The following FUT8 variants were observed in gnomAD, a reference collection of about 807,000 sequenced individuals.
The protein encoded by FUT8 is alpha-(1,6)-fucosyltransferase.
A neutral mutation model predicts 71.3 loss-of-function variants in FUT8; 29 were observed. The ratio of observed to expected loss-of-function variants is 0.41; its 90% confidence interval spans 0.30 to 0.55. The LOEUF (loss-of-function observed/expected upper bound fraction) is 0.55, where lower values mean the gene tolerates loss of function less well. Ranked by LOEUF, FUT8 falls within the 20% of genes least tolerant of loss-of-function variation. The probability of loss-of-function intolerance (pLI) is 0.34; values close to 1 mark genes in which losing one functional copy is unlikely to be tolerated. For synonymous variants in FUT8, 254 were observed against 239.3 expected (o/e 1.06, Z -0.57); for missense variants, 544 against 702.1 (o/e 0.77, Z 2.55).
At chr14:65,551,039 C>T (rs1400105476) in intron 2 of FUT8, among the ~76,000 whole-genome samples, 3 of 151,984 alleles carry the variant, frequency 2.0e-5, no homozygotes, top group East Asian at 1.9e-4. Flanking sequence ...TATATAATGC[C>T]GTATTACCCT....
intron 2 of FUT8, among the ~76,000 whole-genome samples, chr14:65,464,626 T>C (rs940010136): frequency 2.0e-5 from 3 of 152,062 alleles, no homozygotes; most frequent in Non-Finnish European, 2.9e-5. Context: ...TCTGATTGTA[T>C]GATTTTTTTT....
chr14:65,378,510 G>A, the FUT8 span, among the ~76,000 whole-genome samples: 1 of 152,074 alleles, frequency 6.6e-6, no homozygotes, highest in Admixed American at 6.6e-5. Flanking sequence ...GAGAAATAGA[G>A]GCTCCCCTAA....
At chr14:65,585,911 C>T (rs749291251) in intron 3 of FUT8, among the ~76,000 whole-genome samples, 1 of 151,864 alleles carries the variant, frequency 6.6e-6, no homozygotes, top group Non-Finnish European at 1.5e-5. Context: ...GGAAACAGTT[C>T]CTAAAAATTA....
intron 5 of FUT8, among the ~76,000 whole-genome samples, chr14:65,622,793 G>A (rs191080380): frequency 6.6e-6 from 1 of 152,184 alleles, no homozygotes; most frequent in Admixed American, 6.5e-5. Flanking sequence ...ATGCAGATTT[G>A]CCCATGGATT....
intron 3 of FUT8, among the ~76,000 whole-genome samples, chr14:65,580,070 T>TTTTATATA (rs1555372883): frequency 7.0e-6 from 1 of 142,832 alleles, no homozygotes; most frequent in African/African-American, 2.6e-5. Flanking sequence ...GTGCTATATT[T>TTTTATATA]TATATATATA....
chr14:65,651,408 C>T lies in FUT8; in HGVS notation c.598-17835C>T, dbSNP rs537542735. On this transcript the variant is annotated intron_variant, in intron 6 of 10. Coordinates refer to ENST00000673929, the MANE Select transcript of FUT8 (RefSeq NM_001371533.1). The stretch of plus-strand genomic sequence containing the variant: ...TTAAATTGACATTTGATTCACAGCC[C>T]ATAAAAGTTGGCTAAGACATGCATT... Among the ~76,000 whole-genome samples, 12 of 152,310 alleles carry T rather than the reference C, an allele frequency of 7.9e-5. No individual in the cohort carries two copies. The East Asian group carries it at 2.3e-3, about 29-fold the overall frequency.
At chr14:65,492,183 A>AT (rs1244221474) in intron 2 of FUT8, among the ~76,000 whole-genome samples, 1 of 152,162 alleles carries the variant, frequency 6.6e-6, no homozygotes. Context: ...GGTAAGTAAT[A>AT]TTTTTTTCAT....
intron 5 of FUT8, among the ~76,000 whole-genome samples, chr14:65,625,507 A>C (rs1484215678): frequency 6.6e-6 from 1 of 152,250 alleles, no homozygotes; most frequent in East Asian, 1.9e-4. Context: ...TTGCAGCCAA[A>C]GTCTCTTTCA....
intron 3 of FUT8, among the ~76,000 whole-genome samples, chr14:65,562,603 G>A (rs1478649297): frequency 6.6e-6 from 1 of 152,072 alleles, no homozygotes; most frequent in East Asian, 1.9e-4. Context: ...ATGCGAAGAT[G>A]ATCATGTAGT....
chr14:65,658,788 A>C (rs373678914), intron 6 of FUT8, among the ~76,000 whole-genome samples: 6 of 152,108 alleles, frequency 3.9e-5, no homozygotes. Context: ...TGGAAGTATA[A>C]GGGGTTTCTT....
At chr14:65,645,668 T>TA (rs1481305608) in intron 6 of FUT8, among the ~76,000 whole-genome samples, 1 of 152,234 alleles carries the variant, frequency 6.6e-6, no homozygotes, top group Non-Finnish European at 1.5e-5. Flanking sequence ...ATGGTTCATA[T>TA]AATTGCTTGT....
chr14:65,593,075 A>G (rs745329809), intron 3 of FUT8, among the ~76,000 whole-genome samples: 2 of 152,204 alleles, frequency 1.3e-5, no homozygotes, highest in African/African-American at 2.4e-5. Flanking sequence ...GCAATTGGTC[A>G]GTCCTTCTAG....
rs1891464445 is a variant in FUT8 at position 65,652,638 on chromosome 14, G to A, written c.598-16605G>A. Among the ~76,000 whole-genome samples, 1 of 151,912 alleles carries A rather than the reference G, an allele frequency of 6.6e-6. No homozygotes were observed. The highest frequency in any genetic ancestry group is 2.4e-5 in the African/African-American group (1 of 41,358). ...TAAACAACGTGTTCTTAGTGCTTAA[G>A]CACTTTTTTTTTTTTTAAATACAAC... is the stretch of plus-strand genomic sequence containing the variant. On this transcript the variant is annotated intron_variant, in intron 6 of 10. Coordinates refer to ENST00000673929, the MANE Select transcript of FUT8 (RefSeq NM_001371533.1). This position sits in a 1 kb window ranked among gnomAD's most constrained non-coding sequence, Gnocchi z 4.0.
chr14:65,674,879 C>G (rs1319170300), intron 7 of FUT8, among the ~76,000 whole-genome samples: 1 of 152,148 alleles, frequency 6.6e-6, no homozygotes, highest in Non-Finnish European at 1.5e-5. Flanking sequence ...CTCCAAGATT[C>G]TAGTAGGTTT....
At chr14:65,558,820 G>T (rs899839379) in intron 2 of FUT8, among the ~76,000 whole-genome samples, 1 of 151,884 alleles carries the variant, frequency 6.6e-6, no homozygotes, top group African/African-American at 2.4e-5. Context: ...AAAAATACTG[G>T]CAAAGACAAA....
At chr14:65,697,280 T>C (rs1243234419) in intron 7 of FUT8, among the ~76,000 whole-genome samples, 3 of 152,198 alleles carry the variant, frequency 2.0e-5, no homozygotes, top group Non-Finnish European at 4.4e-5. Flanking sequence ...GTCTCCCTTG[T>C]CTTTAGGCCT....
At chr14:65,497,822 A>G (rs2066582636) in intron 2 of FUT8, among the ~76,000 whole-genome samples, 2 of 152,126 alleles carry the variant, frequency 1.3e-5, no homozygotes, top group Admixed American at 1.3e-4. Context: ...TCAATTTACT[A>G]TAAAATATGT....
intron 2 of FUT8, chr14:65,516,399 G>T (rs1204506833): frequency 6.6e-6 from 1 of 152,086 alleles, no homozygotes; most frequent in African/African-American, 2.4e-5. Flanking sequence ...GTGAATTTAT[G>T]TGTAAATGTT....
intron 6 of FUT8, among the ~76,000 whole-genome samples, chr14:65,664,250 C>G (rs1369853897): frequency 6.6e-6 from 1 of 152,058 alleles, no homozygotes; most frequent in Non-Finnish European, 1.5e-5. Flanking sequence ...TGAATCAGTT[C>G]GAGAATATTA....
Sources: allele counts gnomAD v4.1 joint callset (sites outside exome capture counted in the v4.1 genomes callset), GRCh38; gene constraint gnomAD v4.1.1; non-coding constraint Gnocchi (gnomAD v3.1); transcripts MANE v1.5; gene names NCBI Gene and HGNC (gene_info 2026-07-23, HGNC 2026-07-21).